Variants in VRK2 observed in about 807,000 individuals in gnomAD.
VRK2 encodes the protein VRK serine/threonine kinase 2.
In VRK2, 60 loss-of-function variants were observed where a neutral mutation model predicts 57.6. The observed-to-expected ratio is 1.04, with a 90% CI of 0.85 to 1.29. VRK2 has a LOEUF of 1.29. VRK2 is among the 50% of genes most tolerant of loss of function. VRK2 has a pLI of 0.00. For missense variants in VRK2, 705 were observed against 588.1 expected (o/e 1.20, Z -2.06); for synonymous variants, 231 against 199.2 (o/e 1.16, Z -1.35).
intron 2 of VRK2, among the ~76,000 whole-genome samples, chr2:58,078,029 A>G (rs991337393): frequency 2.0e-5 from 3 of 152,052 alleles, no homozygotes; most frequent in Non-Finnish European, 4.4e-5. Context: ...AATTTTTAAA[A>G]CTGTGTTTGT....
intron 1 of VRK2, among the ~76,000 whole-genome samples, chr2:57,950,408 A>C (rs1417422770): frequency 6.6e-6 from 1 of 152,208 alleles, no homozygotes; most frequent in African/African-American, 2.4e-5. Flanking sequence ...TGCTGAATAT[A>C]CTGCATCTGT....
At chr2:58,033,937 C>T (rs1674195705) in intron 3 of VRK2, among the ~76,000 whole-genome samples, 1 of 151,990 alleles carries the variant, frequency 6.6e-6, no homozygotes, top group African/African-American at 2.4e-5. Flanking sequence ...TATATCTTGT[C>T]TAGATCAACT....
intron 1 of VRK2, among the ~76,000 whole-genome samples, chr2:58,019,866 T>C (rs969151208): frequency 2.6e-5 from 4 of 152,160 alleles, no homozygotes; most frequent in Non-Finnish European, 5.9e-5. Context: ...CTTTCAACTT[T>C]TCAAACAATT....
intron 1 of VRK2, among the ~76,000 whole-genome samples, chr2:57,923,927 G>A (rs1262675945): frequency 6.6e-6 from 1 of 151,690 alleles, no homozygotes; most frequent in Non-Finnish European, 1.5e-5. Flanking sequence ...GTCTAGTTTC[G>A]TTCTTATGCG....
chr2:58,027,676 T>C lies in VRK2; in HGVS notation c.-333+1906T>C, dbSNP rs147010957. Among the ~76,000 whole-genome samples the C allele has an allele frequency of 4.1e-3, 624 of 152,314 alleles. 7 individuals carry two copies. The highest frequency in any genetic ancestry group is 0.014 in the African/African-American group (592 of 41,574). On this transcript the variant is annotated intron_variant, in intron 2 of 15. Transcript: ENST00000417641. ...ACTTCTGAGTCAACGTATGTAACTATTGGCCCCTATAAAGATAGAAATAAT... is the reference window on the plus strand; with the variant it reads ...ACTTCTGAGTCAACGTATGTAACTACTGGCCCCTATAAAGATAGAAATAAT...
intron 12 of VRK2, among the ~76,000 whole-genome samples, chr2:58,155,282 G>T (rs1406540925): frequency 6.6e-6 from 1 of 152,184 alleles, no homozygotes; most frequent in Non-Finnish European, 1.5e-5. Context: ...CAGCAGGCAC[G>T]GTCAAAAGGG....
chr2:57,968,800 GT>G (rs1375593422), intron 1 of VRK2, among the ~76,000 whole-genome samples: 2 of 151,996 alleles, frequency 1.3e-5, no homozygotes, highest in African/African-American at 4.8e-5. Flanking sequence ...AAGCAATGTT[GT>G]TCTGTTACGA....
chr2:58,113,440 G>A (rs1201602192), intron 7 of VRK2, among the ~76,000 whole-genome samples: 5 of 152,156 alleles, frequency 3.3e-5, no homozygotes, highest in Admixed American at 6.5e-5. Flanking sequence ...ACTTTCATGC[G>A]GGTCCGTGTG....
At chr2:58,086,302 A>G in intron 4 of VRK2, 37 bp from the exon 5 acceptor site, 1 of 1,542,180 alleles carries the variant, frequency 6.5e-7, no homozygotes, top group Non-Finnish European at 8.8e-7. Context: ...CTTTTCAAAT[A>G]ACATGAATCT....
At chr2:58,093,480 T>C (rs1672666167) in intron 7 of VRK2, among the ~76,000 whole-genome samples, 1 of 152,190 alleles carries the variant, frequency 6.6e-6, no homozygotes, top group South Asian at 2.1e-4. Flanking sequence ...AAGTGTCTGT[T>C]CATATCCTTT....
At chr2:58,058,802 A>T (rs1676913163) in intron 2 of VRK2, among the ~76,000 whole-genome samples, 1 of 152,112 alleles carries the variant, frequency 6.6e-6, no homozygotes. Flanking sequence ...TAAGGAAGAC[A>T]TTGAGGCCTA....
chr2:57,973,806 C>A (rs773921892), intron 1 of VRK2, among the ~76,000 whole-genome samples: 1 of 151,630 alleles, frequency 6.6e-6, no homozygotes, highest in Non-Finnish European at 1.5e-5. Context: ...CCAAAAGTCT[C>A]AGAGGAACCT....
At chr2:58,131,662 T>C in intron 8 of VRK2, 146 bp from the exon 9 acceptor site, 1 of 1,033,378 alleles carries the variant, frequency 9.7e-7, no homozygotes, top group Non-Finnish European at 1.3e-6. Flanking sequence ...TGCTTGGGCG[T>C]TTAAGTTTTA....
intron 7 of VRK2, among the ~76,000 whole-genome samples, chr2:58,115,871 A>C (rs1301770757): frequency 1.3e-5 from 2 of 152,208 alleles, no homozygotes; most frequent in Non-Finnish European, 1.5e-5. Flanking sequence ...GCTGGGATGA[A>C]GGGTGCAAAG....
At chr2:58,078,800 C>T (rs1054852303) in intron 2 of VRK2, among the ~76,000 whole-genome samples, 1 of 152,048 alleles carries the variant, frequency 6.6e-6, no homozygotes, top group African/African-American at 2.4e-5. Context: ...GTTGGCCACT[C>T]GTATGTATCT....
intron 3 of VRK2, among the ~76,000 whole-genome samples, chr2:58,040,241 T>C (rs1040486390): frequency 3.3e-5 from 5 of 152,194 alleles, no homozygotes; most frequent in African/African-American, 1.2e-4. Flanking sequence ...CACTCATTTC[T>C]AGATCCACAG....
chr2:57,994,592 C>T (rs889358911), intron 1 of VRK2, among the ~76,000 whole-genome samples: 3 of 152,078 alleles, frequency 2.0e-5, no homozygotes, highest in Non-Finnish European at 4.4e-5. Context: ...GCAAATACTT[C>T]AGGTCTTTGC....
At chr2:58,126,293 G>A (rs1009390480) in intron 8 of VRK2, among the ~76,000 whole-genome samples, 4 of 152,094 alleles carry the variant, frequency 2.6e-5, no homozygotes, top group African/African-American at 7.2e-5. Flanking sequence ...CCACTCAATA[G>A]AGACTGCTAT....
chr2:58,122,982 G>T, intron 7 of VRK2, 119 bp from the exon 8 acceptor site: 2 of 1,310,250 alleles, frequency 1.5e-6, no homozygotes, highest in Non-Finnish European at 2.0e-6. Context: ...GCACCATTTG[G>T]TTTAATAAAA....
Sources: gnomAD v4.1 joint callset for allele counts (sites outside exome capture counted in the v4.1 genomes callset) on GRCh38, gnomAD v4.1.1 for gene constraint, MANE v1.5 for transcripts, NCBI Gene and HGNC (gene_info 2026-07-23, HGNC 2026-07-21) for gene names.